The following ARHGAP10 variants were observed in gnomAD, a reference collection of about 807,000 sequenced individuals.
ARHGAP10 encodes the protein Rho GTPase activating protein 10, also known as rho GTPase-activating protein 10.
ARHGAP10 carries 87 observed loss-of-function variants against 108.6 expected under a neutral mutation model. The observed-to-expected ratio is 0.80, with a 90% CI of 0.67 to 0.96. The LOEUF is 0.96. ARHGAP10 is among the 40% of genes least tolerant of loss of function. The pLI is 0.00. For synonymous variants in ARHGAP10, 347 were observed against 341.1 expected (o/e 1.02, Z -0.19); for missense variants, 939 against 954.5 (o/e 0.98, Z 0.21).
At chr4:147,771,254 T>C (rs922354297) in intron 1 of ARHGAP10, among the ~76,000 whole-genome samples, 3 of 152,190 alleles carry the variant, frequency 2.0e-5, no homozygotes. Context: ...ACATGAGTAC[T>C]TGAGGGACAT....
At chr4:148,062,170 G>C (rs1729649343) in intron 20 of ARHGAP10, among the ~76,000 whole-genome samples, 1 of 152,204 alleles carries the variant, frequency 6.6e-6, no homozygotes, top group Non-Finnish European at 1.5e-5. Flanking sequence ...CTTGGCCCTA[G>C]GTTGCTGAGT....
chr4:147,909,871 C>T, intron 12 of ARHGAP10, 94 bp downstream of exon 12: 1 of 1,208,818 alleles, frequency 8.3e-7, no homozygotes, highest in Non-Finnish European at 1.2e-6. Context: ...GGAGCTTACT[C>T]TCTGCACCCT....
chr4:147,955,806 T>C (rs1041454616), intron 16 of ARHGAP10, among the ~76,000 whole-genome samples: 1 of 152,154 alleles, frequency 6.6e-6, no homozygotes, highest in Admixed American at 6.6e-5. Context: ...CATAGACAGA[T>C]ACTCGGATCT....
intron 9 of ARHGAP10, 78 bp from the exon 10 acceptor site, chr4:147,881,760 G>C: frequency 2.3e-6 from 3 of 1,294,244 alleles, no homozygotes; most frequent in Non-Finnish European, 1.1e-6. Context: ...TTGCTCCCCT[G>C]CTCTCCAGTA....
chr4:147,758,985 A>C lies in ARHGAP10; in HGVS notation c.154+26530A>C, dbSNP rs916333400. Among the ~76,000 whole-genome samples, 24 of 151,988 alleles carry C rather than the reference A, an allele frequency of 1.6e-4. No individual in the cohort carries two copies. The South Asian group carries it at 3.5e-3, about 22-fold the overall frequency. Reference sequence around the variant, plus strand: ...CAGACTCTGTCTCAAAAAAAAAAAAAAAAAAACCGAAAACAGGTGGTATAT... The same window carrying C: ...CAGACTCTGTCTCAAAAAAAAAAAACAAAAAACCGAAAACAGGTGGTATAT... On this transcript the variant is annotated intron_variant, in intron 1 of 22. Coordinates refer to ENST00000336498, the MANE Select transcript of ARHGAP10 (RefSeq NM_024605.4).
chr4:147,822,128 A>C (rs1206333021), intron 1 of ARHGAP10, among the ~76,000 whole-genome samples: 1 of 152,132 alleles, frequency 6.6e-6, no homozygotes, highest in East Asian at 1.9e-4. Flanking sequence ...TAAGATGAGG[A>C]CCTCTGTAGG....
intron 18 of ARHGAP10, among the ~76,000 whole-genome samples, chr4:147,974,469 C>G (rs920451301): frequency 2.6e-5 from 4 of 152,028 alleles, no homozygotes; most frequent in African/African-American, 4.8e-5. Flanking sequence ...TAATATCTGT[C>G]TTAATACTGA....
At chr4:147,812,859 C>T (rs1732086713) in intron 1 of ARHGAP10, among the ~76,000 whole-genome samples, 2 of 152,078 alleles carry the variant, frequency 1.3e-5, no homozygotes, top group Non-Finnish European at 2.9e-5. Context: ...GTGAAAATGT[C>T]CATGTAATTT....
At chr4:147,772,522 G>A (rs145071301) in intron 1 of ARHGAP10, among the ~76,000 whole-genome samples, 149 of 152,364 alleles carry the variant, frequency 9.8e-4, no homozygotes, top group African/African-American at 3.1e-3. Context: ...GCTCAGACTT[G>A]TACCACAGGC....
chr4:147,927,868 G>T (rs1440389538), intron 13 of ARHGAP10, among the ~76,000 whole-genome samples: 1 of 152,166 alleles, frequency 6.6e-6, no homozygotes, highest in Non-Finnish European at 1.5e-5. Context: ...TTAGATACTG[G>T]GATCGGGAGA....
intron 1 of ARHGAP10, among the ~76,000 whole-genome samples, chr4:147,760,681 CTT>C (rs1729554726): frequency 1.3e-5 from 2 of 152,266 alleles, no homozygotes; most frequent in Admixed American, 6.5e-5. Context: ...ATTTTTCCCT[CTT>C]GTTTTGAACA....
At chr4:147,955,441 C>A in intron 16 of ARHGAP10, 67 bp downstream of exon 16, 1 of 1,396,224 alleles carries the variant, frequency 7.2e-7, no homozygotes, top group Non-Finnish European at 9.9e-7. Context: ...CGAAAAATTT[C>A]CATATGAAAA....
chr4:147,952,148 A>C (rs1738628898), intron 15 of ARHGAP10, among the ~76,000 whole-genome samples: 1 of 152,358 alleles, frequency 6.6e-6, no homozygotes, highest in East Asian at 1.9e-4. Context: ...ATTTTAAAAA[A>C]TCAGTTCATC....
chr4:147,896,351 T>C (rs1735993312), intron 10 of ARHGAP10, among the ~76,000 whole-genome samples: 1 of 152,198 alleles, frequency 6.6e-6, no homozygotes, highest in African/African-American at 2.4e-5. Flanking sequence ...GTGAGAAGTT[T>C]AAAAATTTTA....
chr4:148,043,858 G>C (rs1387229148), intron 19 of ARHGAP10, among the ~76,000 whole-genome samples: 1 of 150,088 alleles, frequency 6.7e-6, no homozygotes, highest in African/African-American at 2.5e-5. Flanking sequence ...TATTTTCATA[G>C]TAGTTAAAAA....
chr4:147,986,065 A>G (rs758276943), intron 18 of ARHGAP10, among the ~76,000 whole-genome samples: 1 of 152,172 alleles, frequency 6.6e-6, no homozygotes, highest in Non-Finnish European at 1.5e-5. Context: ...CTATTTTGCT[A>G]TTTGCAAGTG....
chr4:147,955,284 T>C (rs776001381), intron 15 of ARHGAP10, 32 bp from the exon 16 acceptor site: 1 of 1,574,656 alleles, frequency 6.4e-7, no homozygotes, highest in Admixed American at 1.8e-5. Context: ...TTTGGATTTA[T>C]TTGATAATTC....
At chr4:147,992,233 G>A (rs917957250) in intron 18 of ARHGAP10, among the ~76,000 whole-genome samples, 11 of 151,950 alleles carry the variant, frequency 7.2e-5, no homozygotes, top group Admixed American at 3.9e-4. Flanking sequence ...GCATGCTGTC[G>A]TTCGGTCCCC....
At chr4:148,055,943 C>T (rs545453509) in intron 20 of ARHGAP10, among the ~76,000 whole-genome samples, 12 of 152,282 alleles carry the variant, frequency 7.9e-5, no homozygotes, top group African/African-American at 1.2e-4. Context: ...CCAAACCCCA[C>T]GTCCCTTCCA....
Sources: allele counts gnomAD v4.1 joint callset (sites outside exome capture counted in the v4.1 genomes callset), GRCh38; gene constraint gnomAD v4.1.1; transcripts MANE v1.5; gene names NCBI Gene and HGNC (gene_info 2026-07-23, HGNC 2026-07-21).